The following CALY variants were observed in gnomAD, a reference collection of about 807,000 sequenced individuals.
CALY encodes neuron-specific vesicular protein calcyon.
A neutral mutation model predicts 20.2 loss-of-function variants in CALY; 15 were observed. The ratio of observed to expected loss-of-function variants is 0.74; its 90% CI spans 0.50 to 1.14. The LOEUF is 1.14. Among genes scored for constraint, CALY ranks in the 50% most tolerant of loss-of-function variants. The pLI, the probability that CALY is intolerant of heterozygous loss-of-function variation, is 0.00. For synonymous variants in CALY, 129 were observed against 131.8 expected (o/e 0.98, Z 0.15); for missense variants, 270 against 304.4 (o/e 0.89, Z 0.84).
chr10:133,328,756 T>G, intron 2 of CALY, 99 bp downstream of exon 2: 1 of 1,290,624 alleles, frequency 7.7e-7, no homozygotes, highest in South Asian at 1.6e-5. Flanking sequence ...TTTGCTCTAC[T>G]GCACCTGGGA....
rs527678623 is a variant in CALY, at chr10:133,336,589, G to A, written c.-21+245C>T. 5.3e-5 allele frequency among the ~76,000 whole-genome samples: 8 copies of A among 152,310 alleles called. No individual in the cohort carries two copies. In the East Asian group the frequency reaches 1.4e-3, roughly 26 times the overall value. On this transcript the variant is annotated intron_variant, in intron 1 of 5. Transcript: ENST00000252939. ...CCACCGCCCTCGGGTCCGCGGGGTC[G>A]GACTGGCCTGGGGCAGCCAGAGGAG...
chr10:133,327,294 G>A (rs986110183), intron 3 of CALY: 2 of 503,666 alleles, frequency 4.0e-6, no homozygotes, highest in East Asian at 6.8e-5. Flanking sequence ...TTCCTGCGGT[G>A]TGGGCTCCCA....
In CALY at chr10:133,325,848, C is replaced by T. The variant is rs978395211; in HGVS notation, c.633G>A (p.Ala211=). ...GACGTCACTGCGCGGGCGGGGGCGC[C>T]GCGCTCCCGGCCGCCTTCCGCGCCG... ...KEAARKAAGS[A]APPPAQ Residue 211 remains alanine (A), a synonymous_variant, in exon 5 of 6, where the codon GCG becomes GCA. Transcript: ENST00000252939. 32 of 1,232,438 alleles carry T rather than the reference C, an allele frequency of 2.6e-5. No individual in the cohort carries two copies. In the African/African-American group the frequency reaches 4.4e-4, roughly 17 times the overall value. 76.3% of individuals were successfully genotyped at this position (1,232,438 alleles called of 1,614,324 possible).
intron 1 of CALY, among the ~76,000 whole-genome samples, chr10:133,330,472 A>G (rs373932907): frequency 6.7e-6 from 1 of 150,118 alleles, no homozygotes; most frequent in Admixed American, 6.7e-5. Flanking sequence ...TCTGGCTAAC[A>G]CGGTGAAACC....
At chr10:133,333,078 T>C (rs930943137) in intron 1 of CALY, among the ~76,000 whole-genome samples, 3 of 151,870 alleles carry the variant, frequency 2.0e-5, no homozygotes. Flanking sequence ...TTTCTCGCCC[T>C]GCAGTGGCCA....
rs1221435147 is a variant in CALY, at chr10:133,324,788, G to A, written c.*807C>T. On this transcript the variant is annotated 3_prime_UTR_variant, in exon 6 of 6. Coordinates refer to ENST00000252939, the MANE Select transcript of CALY (RefSeq NM_015722.4). ...GGGGTGGGGATGCTGGGGCTGGGGT[G>A]GGGATGCTGGGGGAGACTCATGGCA... 1 of 278,406 alleles carries A rather than the reference G, an allele frequency of 3.6e-6. No homozygotes were observed. Among genetic ancestry groups the A allele is most frequent in the Non-Finnish European group, 7.1e-6 (1 of 141,694 alleles). The allele number at this position is 278,406 out of a possible 1,614,324, so 17.2% of individuals were successfully genotyped here.
intron 1 of CALY, among the ~76,000 whole-genome samples, chr10:133,334,837 G>A (rs952088925): frequency 3.9e-5 from 6 of 152,032 alleles, no homozygotes; most frequent in Non-Finnish European, 5.9e-5. Flanking sequence ...CGTGCCCCTC[G>A]TTGTTGTGTG....
chr10:133,330,390 G>T (rs1186048528), intron 1 of CALY, among the ~76,000 whole-genome samples: 2 of 143,712 alleles, frequency 1.4e-5, no homozygotes, highest in African/African-American at 5.1e-5. Context: ...GGGCGCGGTG[G>T]CTCACGCCTG....
intron 1 of CALY, among the ~76,000 whole-genome samples, chr10:133,333,174 T>G (rs1160711630): frequency 6.6e-6 from 1 of 150,898 alleles, no homozygotes; most frequent in African/African-American, 2.4e-5. Context: ...GCCCAGCTGC[T>G]GCCACTCAAG....
intron 1 of CALY, among the ~76,000 whole-genome samples, chr10:133,331,983 C>G (rs193099898): frequency 6.6e-6 from 1 of 152,152 alleles, no homozygotes; most frequent in Non-Finnish European, 1.5e-5. Flanking sequence ...AAAAACTAGC[C>G]GGGCATGGTG....
intron 4 of CALY, 38 bp from the exon 5 acceptor site, chr10:133,326,158 C>T (rs1848205278): frequency 6.3e-7 from 1 of 1,584,268 alleles, no homozygotes; most frequent in African/African-American, 1.3e-5. Context: ...TGGGGCTGAG[C>T]CCTCCTGTGC....
Position 133,328,018 on chromosome 10 carries a change from G to C in CALY, c.136-3C>G. The C allele has an allele frequency of 6.3e-7, 1 of 1,586,306 alleles. No homozygotes were observed. Among genetic ancestry groups the C allele is most frequent in the Non-Finnish European group, 8.6e-7 (1 of 1,158,070 alleles). ...TCTGTCTGTGTCTTGATGACCACCT[G>C]TGAAAAGAGATGGCCATGGCCTCAG... is the stretch of plus-strand genomic sequence containing the variant. On this transcript the variant is annotated splice_region_variant and splice_polypyrimidine_tract_variant and intron_variant, in intron 2 of 5. Coordinates refer to ENST00000252939, the MANE Select transcript of CALY (RefSeq NM_015722.4).
At chr10:133,327,383 T>C (rs1275962441) in intron 3 of CALY, 1 of 471,522 alleles carries the variant, frequency 2.1e-6, no homozygotes, top group Non-Finnish European at 3.8e-6. Flanking sequence ...AGTGGGTGCA[T>C]GTGTGGTAAC....
chr10:133,324,299 A>G lies in CALY; in HGVS notation c.*1296T>C, dbSNP rs929426458. 2.0e-5 allele frequency: 9 copies of G among 454,654 alleles called. No individual in the cohort carries two copies. Among genetic ancestry groups the G allele is most frequent in the African/African-American group, 1.8e-4 (9 of 50,158 alleles). 28.2% of individuals were successfully genotyped at this position (454,654 alleles called of 1,614,324 possible). A position where few individuals can be genotyped will look rare whatever the true frequency, so the allele number is the denominator to read the frequency against. On this transcript the variant is annotated 3_prime_UTR_variant, in exon 6 of 6. Coordinates refer to ENST00000252939, the MANE Select transcript of CALY (RefSeq NM_015722.4). ...CCCTGACCCCACCTGGCTGGCTTCCAGCTCACCATGGCTTCCCTGGCAGGC... is the reference window on the plus strand; with the variant it reads ...CCCTGACCCCACCTGGCTGGCTTCCGGCTCACCATGGCTTCCCTGGCAGGC...
chr10:133,332,880 A>G (rs1848333746), intron 1 of CALY, among the ~76,000 whole-genome samples: 1 of 152,152 alleles, frequency 6.6e-6, no homozygotes, highest in Non-Finnish European at 1.5e-5. Context: ...GGCCACCAGA[A>G]GCTGGAGGAA....
intron 2 of CALY, among the ~76,000 whole-genome samples, chr10:133,328,406 T>C (rs1848249112): frequency 6.6e-6 from 1 of 152,192 alleles, no homozygotes; most frequent in African/African-American, 2.4e-5. Flanking sequence ...TCATGCTGCA[T>C]GACTCCCTGG....
intron 1 of CALY, among the ~76,000 whole-genome samples, chr10:133,332,328 C>A (rs1384264208): frequency 1.3e-5 from 2 of 152,152 alleles, no homozygotes; most frequent in Admixed American, 1.3e-4. Flanking sequence ...TGAGCCTGAT[C>A]CCTACCTCAC....
rs370835822 is a variant in CALY, at chr10:133,325,499, C to A, written c.*96G>T. ...CACGGGGGCGGGGCTGCAGCGAGGG[C>A]GCCTGGGGACACGAACACGGCGGAG... On this transcript the variant is annotated 3_prime_UTR_variant, in exon 6 of 6. Transcript: ENST00000252939. 2.6e-3 allele frequency: 547 copies of A among 212,008 alleles called. 3 individuals carry two copies. Among genetic ancestry groups the A allele is most frequent in the African/African-American group, 0.012 (518 of 43,442 alleles). 13.1% of individuals were successfully genotyped at this position (212,008 alleles called of 1,614,324 possible). A position where few individuals can be genotyped will look rare whatever the true frequency, so the allele number is the denominator to read the frequency against.
At chr10:133,335,995 G>A (rs1848434907) in intron 1 of CALY, among the ~76,000 whole-genome samples, 1 of 152,082 alleles carries the variant, frequency 6.6e-6, no homozygotes, top group African/African-American at 2.4e-5. Context: ...ACTCGCTTCC[G>A]CATGCGCCCC....
Sources: gnomAD v4.1 joint callset for allele counts (sites outside exome capture counted in the v4.1 genomes callset) on GRCh38, gnomAD v4.1.1 for gene constraint, MANE v1.5 for transcripts, NCBI Gene and HGNC (gene_info 2026-07-23, HGNC 2026-07-21) for gene names.